The following ESRRG variants were observed in gnomAD, a reference collection of about 807,000 sequenced individuals.
ESRRG encodes the protein estrogen-related receptor gamma.
Under a neutral mutation model 44.0 loss-of-function variants are expected in ESRRG, and 13 were observed. The observed-to-expected ratio is 0.30, with a 90% CI of 0.19 to 0.47. The LOEUF is 0.47. Ranked by LOEUF, ESRRG falls within the 20% of genes least tolerant of loss-of-function variation. ESRRG has a pLI of 1.00. For synonymous variants in ESRRG, 215 were observed against 214.6 expected, an observed-to-expected ratio of 1.00 and a Z score of -0.02; for missense variants, 395 against 580.6, an observed-to-expected ratio of 0.68 and a Z score of 3.29.
At chr1:216,930,019 C>T (rs938164659) in intron 2 of ESRRG, among the ~76,000 whole-genome samples, 1 of 152,164 alleles carries the variant, frequency 6.6e-6, no homozygotes, top group Non-Finnish European at 1.5e-5. Flanking sequence ...ATTGGACATC[C>T]TTCCTCTCTG....
chr1:216,939,356 A>AAAAAAAAC (rs2064774471), intron 2 of ESRRG, among the ~76,000 whole-genome samples: 1 of 143,728 alleles, frequency 7.0e-6, no homozygotes, highest in Non-Finnish European at 1.5e-5. Context: ...AAAAAAAAAA[A>AAAAAAAAC]AAAAAAAAAA....
At chr1:216,956,607 T>G (rs78108723) in intron 1 of ESRRG, among the ~76,000 whole-genome samples, 2 of 152,130 alleles carry the variant, frequency 1.3e-5, no homozygotes, top group South Asian at 2.1e-4. Flanking sequence ...TTCCATATTA[T>G]GGAATTTGTT....
intron 2 of ESRRG, among the ~76,000 whole-genome samples, chr1:216,770,033 G>T (rs1253397594): frequency 6.6e-6 from 1 of 152,026 alleles, no homozygotes; most frequent in Non-Finnish European, 1.5e-5. Flanking sequence ...AAGTGAATTA[G>T]GGTAGGGCAA....
At chr1:216,794,886 TCTC>T (rs1178006554) in intron 2 of ESRRG, among the ~76,000 whole-genome samples, 1 of 152,192 alleles carries the variant, frequency 6.6e-6, no homozygotes, top group Admixed American at 6.5e-5. Context: ...CTAGCCTTCT[TCTC>T]TTCAGGGAAA....
intron 5 of ESRRG, among the ~76,000 whole-genome samples, chr1:216,533,836 T>C (rs1302865640): frequency 6.6e-6 from 1 of 152,138 alleles, no homozygotes; most frequent in Non-Finnish European, 1.5e-5. Context: ...CGGTTGAAAA[T>C]CTTAATTAAT....
intron 2 of ESRRG, among the ~76,000 whole-genome samples, chr1:216,792,754 C>T (rs1386449910): frequency 2.0e-5 from 3 of 152,164 alleles, no homozygotes; most frequent in African/African-American, 7.2e-5. Context: ...TATTTTACAA[C>T]AAACTCTGCA....
chr1:216,737,775 AT>A (rs1214969968), intron 2 of ESRRG, among the ~76,000 whole-genome samples: 30 of 98,438 alleles, frequency 3.0e-4, no homozygotes, highest in African/African-American at 9.2e-4. Context: ...GCAAGAAGGG[AT>A]TAAAAAAAAA....
At chr1:216,566,560 T>C (rs1432171654) in intron 4 of ESRRG, among the ~76,000 whole-genome samples, 1 of 152,194 alleles carries the variant, frequency 6.6e-6, no homozygotes, top group East Asian at 1.9e-4. Context: ...GAGGAAATTA[T>C]CAATGGTTTC....
intron 2 of ESRRG, among the ~76,000 whole-genome samples, chr1:216,933,548 T>C (rs1417834098): frequency 6.6e-6 from 1 of 152,162 alleles, no homozygotes; most frequent in Non-Finnish European, 1.5e-5. Flanking sequence ...ATGGAGCTGA[T>C]GAGGAGATGC....
intron 2 of ESRRG, among the ~76,000 whole-genome samples, chr1:216,914,331 G>A (rs1486081205): frequency 6.6e-6 from 1 of 152,100 alleles, no homozygotes; most frequent in Non-Finnish European, 1.5e-5. Flanking sequence ...CTCTAGTGTA[G>A]TATCGCATAT....
Position 216,939,359 on chromosome 1 carries a change from A to AAAAC in ESRRG, c.-14+222_-14+223insGTTT, listed in dbSNP as rs1560188771. ...ACACATAGACAAAAAAAAAAAAAAA[A>AAAAC]AAAAAAAAAAACACTTTAAAGGCAT... On this transcript the variant is annotated intron_variant, in intron 2 of 7. Coordinates refer to the ESRRG transcript ENST00000359162. Among the ~76,000 whole-genome samples the AAAAC allele has an allele frequency of 3.5e-3, 522 of 149,348 alleles. 10 individuals carry two copies. The highest frequency in any genetic ancestry group is 0.013 in the African/African-American group (513 of 40,138).
chr1:216,800,477 C>G (rs1411753047), intron 2 of ESRRG, among the ~76,000 whole-genome samples: 2 of 152,260 alleles, frequency 1.3e-5, no homozygotes, highest in Admixed American at 6.5e-5. Flanking sequence ...CCAAAATACA[C>G]AGTTAATAAA....
chr1:216,846,263 C>T (rs2095746941), intron 2 of ESRRG, among the ~76,000 whole-genome samples: 1 of 152,060 alleles, frequency 6.6e-6, no homozygotes, highest in South Asian at 2.1e-4. Flanking sequence ...CCATTTTGGA[C>T]AGGAGAGCGT....
chr1:216,880,286 G>A (rs12122073), intron 2 of ESRRG, among the ~76,000 whole-genome samples: 158 of 99,738 alleles, frequency 1.6e-3, no homozygotes, highest in Admixed American at 3.3e-3. Flanking sequence ...CAGCCTGAGC[G>A]ACAACAAGCC....
chr1:216,696,275 G>T (rs906939092), intron 1 of ESRRG, among the ~76,000 whole-genome samples: 28 of 152,116 alleles, frequency 1.8e-4, no homozygotes, highest in African/African-American at 6.3e-4. Flanking sequence ...CCTTCACTCT[G>T]CACTACAAAA....
chr1:216,935,609 A>G (rs7551571), intron 2 of ESRRG, among the ~76,000 whole-genome samples: 30,441 of 150,302 alleles, frequency 0.2, 3,160 homozygotes, highest in African/African-American at 0.23. Flanking sequence ...TTGAAATCCC[A>G]CAGTTTAGGA....
At chr1:216,689,320 C>T (rs891154657) in intron 1 of ESRRG, among the ~76,000 whole-genome samples, 1 of 152,078 alleles carries the variant, frequency 6.6e-6, no homozygotes, top group Non-Finnish European at 1.5e-5. Flanking sequence ...GGCTCACTAC[C>T]TAAGTTTCCT....
chr1:216,518,327 G>A (rs2045022444), intron 6 of ESRRG, among the ~76,000 whole-genome samples: 1 of 152,038 alleles, frequency 6.6e-6, no homozygotes. Flanking sequence ...TAATTAAAGG[G>A]AAAACTACTG....
chr1:216,819,772 C>T (rs949182402), intron 2 of ESRRG, among the ~76,000 whole-genome samples: 1 of 152,080 alleles, frequency 6.6e-6, no homozygotes, highest in Non-Finnish European at 1.5e-5. Context: ...ATTAATAATC[C>T]TAAGCAGAGG....
Sources: allele counts gnomAD v4.1 joint callset (sites outside exome capture counted in the v4.1 genomes callset), GRCh38; gene constraint gnomAD v4.1.1; transcripts MANE v1.5; gene names NCBI Gene and HGNC (gene_info 2026-07-23, HGNC 2026-07-21).